LY96: variants seen among roughly 807,000 people sequenced by gnomAD.
LY96 encodes myeloid differentiation protein-2.
LY96 carries 18 observed loss-of-function variants against 18.9 expected under a neutral mutation model. That is an observed-to-expected ratio of 0.95 (90% confidence interval 0.66 to 1.41). The LOEUF is 1.41. Ranked by LOEUF, LY96 falls within the 40% of genes most tolerant of loss-of-function variation. The pLI, the probability that LY96 is intolerant of heterozygous loss-of-function variation, is 0.00. For missense variants in LY96, 175 were observed against 182.4 expected (o/e 0.96, Z 0.23); for synonymous variants, 66 against 62.6 (o/e 1.06, Z -0.26).
At chr8:74,050,217 C>T in the LY96 span, among the ~76,000 whole-genome samples, 1 of 151,714 alleles carries the variant, frequency 6.6e-6, no homozygotes, top group Non-Finnish European at 1.5e-5. Context: ...GTGATGGGCA[C>T]CTGTAATCCC....
chr8:74,011,877 A>AG (rs55693113), intron 3 of LY96, among the ~76,000 whole-genome samples: 1 of 150,754 alleles, frequency 6.6e-6, no homozygotes, highest in Non-Finnish European at 1.5e-5. Context: ...AAAAAAAAAA[A>AG]GTGGGAAAAG....
chr8:74,048,676 C>A, the LY96 span: 4 of 152,240 alleles, frequency 2.6e-5, no homozygotes, highest in Admixed American at 1.3e-4. Context: ...AACTTGGTCA[C>A]GTGCTCGCTT....
chr8:74,068,102 A>ATATATATATATATAT, the LY96 span, among the ~76,000 whole-genome samples: 2 of 139,312 alleles, frequency 1.4e-5, no homozygotes, highest in African/African-American at 5.7e-5. Context: ...ATATATATAT[A>ATATATATATATATAT]ACATTTCCTT....
intron 3 of LY96, among the ~76,000 whole-genome samples, 166 bp from the exon 4 acceptor site, chr8:74,026,623 G>A (rs1816877060): frequency 6.6e-6 from 1 of 152,140 alleles, no homozygotes; most frequent in African/African-American, 2.4e-5. Flanking sequence ...GGCGGAGAAA[G>A]GAAGCCACAG....
At chr8:74,074,760 A>G in the LY96 span, among the ~76,000 whole-genome samples, 2 of 152,186 alleles carry the variant, frequency 1.3e-5, no homozygotes, top group African/African-American at 2.4e-5. Context: ...ATTCAGGAGC[A>G]TATTTTCTAA....
the LY96 span, among the ~76,000 whole-genome samples, chr8:74,035,453 G>T: frequency 6.6e-6 from 1 of 152,142 alleles, no homozygotes; most frequent in Non-Finnish European, 1.5e-5. Context: ...GCAAATCTTG[G>T]TCGTAAGAGG....
At chr8:74,006,647 G>A (rs1262751548) in intron 2 of LY96, among the ~76,000 whole-genome samples, 1 of 152,156 alleles carries the variant, frequency 6.6e-6, no homozygotes, top group Non-Finnish European at 1.5e-5. Context: ...CACTTTCCTG[G>A]CCAAAGATAA....
At chr8:74,076,237 T>A in the LY96 span, among the ~76,000 whole-genome samples, 1 of 151,932 alleles carries the variant, frequency 6.6e-6, no homozygotes, top group Non-Finnish European at 1.5e-5. Flanking sequence ...CCCCTCCATG[T>A]CTACCCCAGG....
At chr8:74,028,123 G>A (rs1006954975) in intron 4 of LY96, among the ~76,000 whole-genome samples, 3 of 152,182 alleles carry the variant, frequency 2.0e-5, no homozygotes, top group African/African-American at 4.8e-5. Context: ...TTGCATAAGG[G>A]CGCTGGCTTT....
intron 2 of LY96, among the ~76,000 whole-genome samples, 178 bp from the exon 3 acceptor site, chr8:74,009,823 T>G (rs960738305): frequency 6.6e-6 from 1 of 152,224 alleles, no homozygotes; most frequent in Non-Finnish European, 1.5e-5. Context: ...CTCTCAGAAC[T>G]TCAGTTTTCT....
At chr8:74,014,338 G>A (rs1816594618) in intron 3 of LY96, among the ~76,000 whole-genome samples, 2 of 149,452 alleles carry the variant, frequency 1.3e-5, no homozygotes. Flanking sequence ...TTGCACCCAG[G>A]AGGTCTTGGC....
the LY96 span, among the ~76,000 whole-genome samples, chr8:74,089,477 A>G: frequency 1.3e-5 from 2 of 152,028 alleles, no homozygotes; most frequent in Non-Finnish European, 2.9e-5. Flanking sequence ...TCTGTGTCCT[A>G]GACTTGGTAT....
chr8:74,083,907 G>A, the LY96 span, among the ~76,000 whole-genome samples: 1 of 151,534 alleles, frequency 6.6e-6, no homozygotes, highest in African/African-American at 2.4e-5. Flanking sequence ...GGCTTGTCTA[G>A]AATTCCTGGG....
At chr8:74,057,772 G>A in the LY96 span, among the ~76,000 whole-genome samples, 2 of 152,190 alleles carry the variant, frequency 1.3e-5, no homozygotes, top group Non-Finnish European at 2.9e-5. Flanking sequence ...TGGTAGCCAG[G>A]CTCACACCTG....
chr8:74,093,485 TG>T, the LY96 span, among the ~76,000 whole-genome samples: 1 of 152,226 alleles, frequency 6.6e-6, no homozygotes, highest in African/African-American at 2.4e-5. Context: ...ATTCTTAACA[TG>T]TGGTAAATAT....
the LY96 span, among the ~76,000 whole-genome samples, chr8:74,076,327 CT>C: frequency 1.2e-3 from 175 of 143,640 alleles, no homozygotes; most frequent in Admixed American, 2.9e-3. Context: ...AACCAAGACA[CT>C]TTTTTTTTTT....
At chr8:74,055,617 A>C in the LY96 span, among the ~76,000 whole-genome samples, 1 of 152,208 alleles carries the variant, frequency 6.6e-6, no homozygotes, top group Non-Finnish European at 1.5e-5. Flanking sequence ...TATGCTACAC[A>C]GCAAAAGGGA....
chr8:74,005,883 A>G (rs990418302), intron 2 of LY96, among the ~76,000 whole-genome samples: 19 of 152,170 alleles, frequency 1.2e-4, no homozygotes. Context: ...TTTACATCCT[A>G]GTTTAGATTT....
At position 74,010,068 on chromosome 8, in the gene LY96, C is replaced by G. The variant is rs753312865; in HGVS notation, c.270C>G (p.Arg90=). 4 of 1,612,522 alleles carry G rather than the reference C, an allele frequency of 2.5e-6. No individual in the cohort carries two copies. Among genetic ancestry groups the G allele is most frequent in the Non-Finnish European group, 3.4e-6 (4 of 1,178,776 alleles). ...ITVNTMNLPK[R]KEVICRGSDD... ...TCAACACCATGAATCTTCCAAAGCG[C>G]AAAGAAGTTATTTGCCGAGGATCTG... Residue 90 remains arginine (R), a synonymous_variant, in exon 3 of 5, where the codon CGC becomes CGG. Coordinates refer to ENST00000284818, the MANE Select transcript of LY96 (RefSeq NM_015364.5).
Sources: allele counts gnomAD v4.1 joint callset (sites outside exome capture counted in the v4.1 genomes callset), GRCh38; gene constraint gnomAD v4.1.1; transcripts MANE v1.5; gene names NCBI Gene and HGNC (gene_info 2026-07-23, HGNC 2026-07-21).